ESYT2: variants seen among roughly 807,000 people sequenced by gnomAD.
The protein encoded by ESYT2 is extended synaptotagmin-2.
ESYT2 carries 54 observed loss-of-function variants against 107.2 expected under a neutral mutation model. That is an observed-to-expected ratio of 0.50 (90% confidence interval 0.40 to 0.63). ESYT2 has a LOEUF of 0.63. ESYT2 is among the 30% of genes least tolerant of loss of function. The pLI, the probability that ESYT2 is intolerant of heterozygous loss-of-function variation, is 0.00. For synonymous variants in ESYT2, 491 were observed against 434.1 expected, an observed-to-expected ratio of 1.13 and a Z score of -1.63; for missense variants, 1,020 against 1,094.5, an observed-to-expected ratio of 0.93 and a Z score of 0.96.
intron 7 of ESYT2, among the ~76,000 whole-genome samples, chr7:158,770,116 C>T (rs1838303258): frequency 6.6e-6 from 1 of 151,880 alleles, no homozygotes. Context: ...GTCTCAAACT[C>T]CCGACCTCAG....
intron 2 of ESYT2, 147 bp from the exon 3 acceptor site, chr7:158,798,223 A>G: frequency 1.3e-6 from 1 of 767,302 alleles, no homozygotes; most frequent in Non-Finnish European, 2.0e-6. Flanking sequence ...AATCAACATG[A>G]TCTAAATTCT....
At chr7:158,812,609 A>C (rs1281926440) in intron 1 of ESYT2, among the ~76,000 whole-genome samples, 1 of 152,202 alleles carries the variant, frequency 6.6e-6, no homozygotes, top group African/African-American at 2.4e-5. Context: ...ACTCAAAAGA[A>C]CTGAAAATGG....
At chr7:158,750,661 A>C (rs2129471691) in intron 14 of ESYT2, among the ~76,000 whole-genome samples, 1 of 152,318 alleles carries the variant, frequency 6.6e-6, no homozygotes, top group Non-Finnish European at 1.5e-5. Context: ...AGTACTGTTG[A>C]AAAAAGTTTC....
chr7:158,762,147 C>G (rs1837990956), intron 10 of ESYT2, among the ~76,000 whole-genome samples: 1 of 152,104 alleles, frequency 6.6e-6, no homozygotes, highest in African/African-American at 2.4e-5. Flanking sequence ...ATTGGCACCA[C>G]CCCCAGACGC....
rs118050270 is a variant in ESYT2, at chr7:158,781,681, C to G, written c.747+6323G>C. 2.0e-5 allele frequency among the ~76,000 whole-genome samples: 3 copies of G among 148,624 alleles called. No homozygotes were observed. In the East Asian group the frequency reaches 6.3e-4, roughly 31 times the overall value. ...AGTGAGAACAAGTGTGAGTGAACGA[C>G]TGAGAACAAAGTGTCAGAGGTGGGA... is the stretch of plus-strand genomic sequence containing the variant. On this transcript the variant is annotated intron_variant, in intron 6 of 22. Coordinates refer to ENST00000275418, the MANE Select transcript of ESYT2 (RefSeq NM_001367773.1).
intron 6 of ESYT2, among the ~76,000 whole-genome samples, chr7:158,778,247 C>T (rs1838641421): frequency 6.6e-6 from 1 of 152,050 alleles, no homozygotes; most frequent in African/African-American, 2.4e-5. Context: ...ACATGGAATA[C>T]CTGAAATTCA....
chr7:158,784,016 A>G (rs1173467463), intron 6 of ESYT2, among the ~76,000 whole-genome samples: 1 of 152,156 alleles, frequency 6.6e-6, no homozygotes, highest in East Asian at 1.9e-4. Context: ...GGGCAGGTGC[A>G]GACCCTCTCC....
At chr7:158,736,594 T>C (rs1212566238) in intron 20 of ESYT2, among the ~76,000 whole-genome samples, 1 of 143,800 alleles carries the variant, frequency 7.0e-6, no homozygotes, top group Non-Finnish European at 1.5e-5. Context: ...TGAACAATAA[T>C]ACCATTCTTT....
In ESYT2 at chr7:158,829,327, A is replaced by G. The variant is rs1469504488; in HGVS notation, c.92T>C (p.Val31Ala). ...CTGCGCCAGCAGCCCGGGCAGCTCC[A>G]CGCTCAGCACGCCCCCGGGGTTCTC... ...APENPGGVLS[V>A]ELPGLLAQLA... The change falls in exon 1 of 23, where the codon GTG (valine) becomes GCG (alanine). Residue 31 changes from valine to alanine, a missense_variant. By Grantham distance (64) the Val-to-Ala change is moderately conservative. Transcript: ENST00000275418. 2.0e-6 allele frequency: 3 copies of G among 1,481,124 alleles called. No individual in the cohort carries two copies. In the South Asian group the frequency reaches 3.8e-5, roughly 19 times the overall value. 91.7% of individuals were successfully genotyped at this position (1,481,124 alleles called of 1,614,324 possible).
At chr7:158,752,527 TAGAG>T (rs1256331998) in intron 14 of ESYT2, among the ~76,000 whole-genome samples, 2 of 152,234 alleles carry the variant, frequency 1.3e-5, no homozygotes, top group African/African-American at 4.8e-5. Context: ...TAAATCACCT[TAGAG>T]AGAGTTGCCT....
chr7:158,766,855 G>A (rs979796259), intron 8 of ESYT2, among the ~76,000 whole-genome samples: 6 of 152,164 alleles, frequency 3.9e-5, no homozygotes, highest in African/African-American at 1.2e-4. Context: ...AAACAGACAT[G>A]GGATCTAACA....
chr7:158,773,403 T>G lies in ESYT2; in HGVS notation c.748-7A>C, dbSNP rs1838442590. On this transcript the variant is annotated splice_region_variant and splice_polypyrimidine_tract_variant and intron_variant, in intron 6 of 22. Coordinates refer to ENST00000275418, the MANE Select transcript of ESYT2 (RefSeq NM_001367773.1). The stretch of plus-strand genomic sequence containing the variant: ...TCCAGTTAATTTCTAAAAGCTGTTT[T>G]AAAACAAGGGCAAAATATTAAGTTC... 1 of 1,613,960 alleles carries G rather than the reference T, an allele frequency of 6.2e-7. No homozygotes were observed. Among genetic ancestry groups the G allele is most frequent in the Non-Finnish European group, 8.5e-7 (1 of 1,179,978 alleles).
chr7:158,796,482 C>A (rs1390279864), intron 3 of ESYT2, among the ~76,000 whole-genome samples: 1 of 152,160 alleles, frequency 6.6e-6, no homozygotes, highest in Non-Finnish European at 1.5e-5. Context: ...GGGGTAAACA[C>A]CTTAAACTTG....
chr7:158,797,712 G>T (rs1388875093), intron 3 of ESYT2, among the ~76,000 whole-genome samples: 1 of 151,978 alleles, frequency 6.6e-6, no homozygotes, highest in African/African-American at 2.4e-5. Flanking sequence ...AAATTAGCCG[G>T]GCGTGGTGGA....
chr7:158,765,772 A>G (rs565400806), intron 8 of ESYT2, among the ~76,000 whole-genome samples: 1 of 151,974 alleles, frequency 6.6e-6, no homozygotes, highest in East Asian at 1.9e-4. Flanking sequence ...AACCAAATAT[A>G]GTCCTTTCCC....
chr7:158,778,828 G>A (rs1029493518), intron 6 of ESYT2, among the ~76,000 whole-genome samples: 6 of 151,286 alleles, frequency 4.0e-5, no homozygotes, highest in African/African-American at 1.5e-4. Flanking sequence ...ACATCACACC[G>A]TGTGACTGGC....
At chr7:158,827,775 G>C (rs1356909904) in intron 1 of ESYT2, 1 of 152,116 alleles carries the variant, frequency 6.6e-6, no homozygotes, top group Non-Finnish European at 1.5e-5. Flanking sequence ...TCTCCTCTAA[G>C]AGAAAATGAC....
chr7:158,770,459 T>C (rs1838320475), intron 7 of ESYT2, among the ~76,000 whole-genome samples: 1 of 151,408 alleles, frequency 6.6e-6, no homozygotes, highest in South Asian at 2.1e-4. Context: ...TGTGTATTTA[T>C]CTGTTAGGTA....
chr7:158,759,433 A>C, intron 13 of ESYT2, 53 bp downstream of exon 13: 1 of 1,415,594 alleles, frequency 7.1e-7, no homozygotes, highest in South Asian at 1.2e-5. Flanking sequence ...GTTATAAGCA[A>C]GAGCAGCTGC....
Sources: gnomAD v4.1 joint callset for allele counts (sites outside exome capture counted in the v4.1 genomes callset) on GRCh38, gnomAD v4.1.1 for gene constraint, MANE v1.5 for transcripts, NCBI Gene and HGNC (gene_info 2026-07-23, HGNC 2026-07-21) for gene names.